The following WDR33 variants were observed in gnomAD, a reference collection of about 807,000 sequenced individuals.
WDR33 encodes pre-mRNA 3' end processing protein WDR33.
WDR33 carries 47 observed loss-of-function variants against 164.9 expected under a neutral mutation model. That is an observed-to-expected ratio of 0.29 (90% CI 0.23 to 0.36). The LOEUF (loss-of-function observed/expected upper bound fraction) is 0.36. Among genes scored for constraint, WDR33 ranks in the 10% least tolerant of loss-of-function variants. The pLI is 1.00. For synonymous variants in WDR33, 505 were observed against 589.0 expected (o/e 0.86, Z 2.06); for missense variants, 1,137 against 1,754.1 (o/e 0.65, Z 6.28).
At chr2:127,777,135 T>TACAACC (rs1688213177) in intron 1 of WDR33, among the ~76,000 whole-genome samples, 1 of 152,192 alleles carries the variant, frequency 6.6e-6, no homozygotes, top group Non-Finnish European at 1.5e-5. Flanking sequence ...ACACTAACAA[T>TACAACC]ACAACCAAAT....
intron 1 of WDR33, among the ~76,000 whole-genome samples, chr2:127,788,225 G>T (rs1688676239): frequency 1.5e-5 from 2 of 133,888 alleles, no homozygotes; most frequent in African/African-American, 5.9e-5. Context: ...TCCCGGACAG[G>T]GCGGCTGGCC....
chr2:127,749,389 T>C (rs1377180126), intron 7 of WDR33, among the ~76,000 whole-genome samples: 4 of 152,000 alleles, frequency 2.6e-5, no homozygotes, highest in Non-Finnish European at 5.9e-5. Context: ...AGGGCAGGTG[T>C]GGTGGCTCGT....
intron 7 of WDR33, among the ~76,000 whole-genome samples, chr2:127,729,490 CT>C (rs142524490): frequency 0.015 from 2,277 of 151,602 alleles, 27 homozygotes; most frequent in Non-Finnish European, 0.023. Context: ...CAGGGAGAGA[CT>C]ATTCTTTTTT....
chr2:127,745,639 A>G (rs11690871), intron 7 of WDR33, among the ~76,000 whole-genome samples: 2,513 of 152,306 alleles, frequency 0.016, 33 homozygotes, highest in Admixed American at 0.024. Flanking sequence ...TAAAATGACT[A>G]TTAAAAATGT....
rs758567983 is a variant in WDR33 at position 127,764,148 on chromosome 2, G to T, written c.626+680C>A. ...TTTACTATACATACCTCACTGATGTGTAAAAATATACAACTCACTGAAAAT... is the reference window on the plus strand; with the variant it reads ...TTTACTATACATACCTCACTGATGTTTAAAAATATACAACTCACTGAAAAT... On this transcript the variant is annotated intron_variant, in intron 6 of 21. Coordinates refer to ENST00000322313, the MANE Select transcript of WDR33 (RefSeq NM_018383.5). The surrounding 1 kb of genome is among the most constrained non-coding windows in gnomAD (Gnocchi z 6.2). 1.2e-5 allele frequency: 12 copies of T among 1,006,550 alleles called. No homozygotes were observed. Among genetic ancestry groups the T allele is most frequent in the African/African-American group, 1.7e-5 (1 of 57,544 alleles). 62.4% of individuals were successfully genotyped at this position (1,006,550 alleles called of 1,614,324 possible).
chr2:127,727,112 C>T (rs992395215), intron 7 of WDR33, among the ~76,000 whole-genome samples: 4 of 152,144 alleles, frequency 2.6e-5, no homozygotes, highest in Non-Finnish European at 5.9e-5. Flanking sequence ...TTCCCGATTA[C>T]CCTGATTATA....
chr2:127,798,888 C>G (rs749102888), intron 1 of WDR33: 3 of 150,900 alleles, frequency 2.0e-5, no homozygotes, highest in Non-Finnish European at 2.9e-5. Context: ...AAGCTTATAG[C>G]TTTCTTTTTT....
chr2:127,711,780 A>ATATATATATATATATATATAT, intron 18 of WDR33, among the ~76,000 whole-genome samples: 2 of 88,320 alleles, frequency 2.3e-5, no homozygotes, highest in African/African-American at 6.5e-5. Context: ...ATATATATAT[A>ATATATATATATATATATATAT]TTTTTTTTTT....
chr2:127,712,813 T>G lies in WDR33; in HGVS notation c.3308+770A>C, dbSNP rs1442369964. Among the ~76,000 whole-genome samples the G allele has an allele frequency of 2.0e-5, 3 of 152,256 alleles. No individual in the cohort carries two copies. Among genetic ancestry groups the G allele is most frequent in the Non-Finnish European group, 4.4e-5 (3 of 68,052 alleles). ...TCTTGCTCTGTAGCCCAGGCTGAAGTGCAATGGCATAATCATAACTCACTG... is the reference window on the plus strand; with the variant it reads ...TCTTGCTCTGTAGCCCAGGCTGAAGGGCAATGGCATAATCATAACTCACTG... On this transcript the variant is annotated intron_variant, in intron 18 of 21. Coordinates refer to ENST00000322313, the MANE Select transcript of WDR33 (RefSeq NM_018383.5). The surrounding 1 kb of genome is among the most constrained non-coding windows in gnomAD (Gnocchi z 4.0).
Position 127,711,768 on chromosome 2 carries a change from A to ATTTTTTT in WDR33, c.3308+1814_3308+1815insAAAAAAA, listed in dbSNP as rs1441301170. 8.5e-3 allele frequency among the ~76,000 whole-genome samples: 594 copies of ATTTTTTT among 70,186 alleles called. 21 individuals are homozygous for ATTTTTTT. The highest frequency in any genetic ancestry group is 0.011 in the Non-Finnish European group (434 of 40,896). The allele number at this position is 70,186 out of a possible 152,430, so 46.0% of individuals were successfully genotyped here. A position where few individuals can be genotyped will look rare whatever the true frequency, so the allele number is the denominator to read the frequency against. On this transcript the variant is annotated intron_variant, in intron 18 of 21. Transcript: ENST00000322313. ...CATATACAGATATATATATATATAT[A>ATTTTTTT]TATATATATATATTTTTTTTTTGAG...
At chr2:127,750,745 C>CAT (rs3991688) in intron 7 of WDR33, among the ~76,000 whole-genome samples, 36,044 of 77,556 alleles carry the variant, frequency 0.46, 8,142 homozygotes, top group African/African-American at 0.69. Flanking sequence ...TGTATGCATA[C>CAT]ATATATATGT....
intron 1 of WDR33, among the ~76,000 whole-genome samples, chr2:127,788,150 A>C (rs1688669465): frequency 1.1e-5 from 1 of 91,014 alleles, no homozygotes; most frequent in African/African-American, 5.0e-5. Context: ...GCGGCCGGGC[A>C]GAGGCGCCCC....
chr2:127,754,583 AT>A (rs764744041), intron 7 of WDR33, among the ~76,000 whole-genome samples: 2,463 of 118,984 alleles, frequency 0.021, 69 homozygotes, highest in South Asian at 0.16. Context: ...CATGTTTTTC[AT>A]TTTTTTTTTT....
intron 7 of WDR33, among the ~76,000 whole-genome samples, chr2:127,732,030 G>A (rs1178451386): frequency 3.9e-5 from 6 of 152,072 alleles, no homozygotes; most frequent in African/African-American, 1.4e-4. Flanking sequence ...CAAGGCTGCA[G>A]TGAGTTGTGA....
chr2:127,703,372 C>G lies in WDR33; in HGVS notation c.*2951G>C, dbSNP rs1685938955. 1 of 167,060 alleles carries G rather than the reference C, an allele frequency of 6.0e-6. No homozygotes were observed. The highest frequency in any genetic ancestry group is 1.5e-5 in the Non-Finnish European group (1 of 68,122). 10.3% of individuals were successfully genotyped at this position (167,060 alleles called of 1,614,324 possible). Reference sequence around the variant, plus strand: ...CCACTTTTCTGTGCATTGGCTTGCACAATTTGAAAGTAATGCTTTTCCTGA... The same window carrying G: ...CCACTTTTCTGTGCATTGGCTTGCAGAATTTGAAAGTAATGCTTTTCCTGA... On this transcript the variant is annotated 3_prime_UTR_variant, in exon 22 of 22. Transcript: ENST00000322313.
In WDR33 at chr2:127,727,381, T is replaced by G. The variant is rs372424959; in HGVS notation, c.725-604A>C. ...CAGCTATCCTACTGCAGGCCTGCTA[T>G]ATTTTAGGCAGTGTAATGAGCACTT... On this transcript the variant is annotated intron_variant, in intron 7 of 21. Coordinates refer to ENST00000322313, the MANE Select transcript of WDR33 (RefSeq NM_018383.5). Among the ~76,000 whole-genome samples, 52 of 152,352 alleles carry G rather than the reference T, an allele frequency of 3.4e-4. 1 individual carries two copies. The East Asian group carries it at 8.5e-3, about 25-fold the overall frequency.
intron 18 of WDR33, among the ~76,000 whole-genome samples, chr2:127,711,774 A>ATTTTTTTTTTTTTTTTTTT (rs1382438028): frequency 3.2e-5 from 3 of 93,350 alleles, no homozygotes; most frequent in African/African-American, 5.7e-5. Flanking sequence ...ATATATATAT[A>ATTTTTTTTTTTTTTTTTTT]TATATATTTT....
rs905253968 is a variant in WDR33, at chr2:127,719,927, C to A, written c.2098G>T (p.Gly700Cys). 6.2e-7 allele frequency: 1 copy of A among 1,614,020 alleles called. No homozygotes were observed. Among genetic ancestry groups the A allele is most frequent in the Admixed American group, 1.7e-5 (1 of 60,026 alleles). The change falls in exon 16 of 22, where the codon GGT (glycine) becomes TGT (cysteine). Residue 700 changes from glycine (G) to cysteine (C), a missense_variant. Gly to Cys is a radical substitution (Grantham distance 159). Coordinates refer to ENST00000322313, the MANE Select transcript of WDR33 (RefSeq NM_018383.5). The surrounding 1 kb of genome is among the most constrained non-coding windows in gnomAD (Gnocchi z 6.5). ...TGAGGACCCATATGACCTTGAGGACCAGAACTACCTTGTGGTCCAGGTGGC... is the reference window on the plus strand; with the variant it reads ...TGAGGACCCATATGACCTTGAGGACAAGAACTACCTTGTGGTCCAGGTGGC... ...QGPPGPQGSS[G>C]PQGHMGPQGP...
Position 127,706,317 on chromosome 2 carries a change from CAGCT to C in WDR33, c.*2_*5del. 1.9e-6 allele frequency: 3 copies of C among 1,547,644 alleles called. No homozygotes were observed. Among genetic ancestry groups the C allele is most frequent in the South Asian group, 1.3e-5 (1 of 78,650 alleles). On this transcript the variant is annotated 3_prime_UTR_variant, in exon 22 of 22. Coordinates refer to ENST00000322313, the MANE Select transcript of WDR33 (RefSeq NM_018383.5). This position sits in a 1 kb window ranked among gnomAD's most constrained non-coding sequence, Gnocchi z 5.1. ...AGAGAGGCCTCAGGGTACTCAGTTC[CAGCT>C]TCTACCGACCCCTTCCACCACCCCG...
Sources: allele counts gnomAD v4.1 joint callset (sites outside exome capture counted in the v4.1 genomes callset), GRCh38; gene constraint gnomAD v4.1.1; non-coding constraint Gnocchi (gnomAD v3.1); transcripts MANE v1.5; gene names NCBI Gene and HGNC (gene_info 2026-07-23, HGNC 2026-07-21).